The following TMEM232 variants were observed in gnomAD, a reference collection of about 807,000 sequenced individuals.
TMEM232 encodes the protein transmembrane protein 232.
In TMEM232, 80 loss-of-function variants were observed where a neutral mutation model predicts 78.8. The observed-to-expected ratio is 1.01, with a 90% CI of 0.85 to 1.22. The LOEUF is 1.22. Ranked by LOEUF, TMEM232 falls within the 50% of genes most tolerant of loss-of-function variation. TMEM232 has a pLI of 0.00. For synonymous variants in TMEM232, 297 were observed against 254.3 expected (o/e 1.17, Z -1.60); for missense variants, 881 against 742.2 (o/e 1.19, Z -2.17).
chr5:110,671,928 A>G lies in TMEM232; in HGVS notation c.-12-4564T>C, dbSNP rs142574187. Among the ~76,000 whole-genome samples the G allele has an allele frequency of 8.2e-3, 1,246 of 152,282 alleles. 5 individuals are homozygous for G. The highest frequency in any genetic ancestry group is 0.015 in the Non-Finnish European group (1,007 of 68,014). ...GCCCACTATTCACAAAATATTGCAT[A>G]TATCAGAAATATCTAGAAATATAAA... On this transcript the variant is annotated intron_variant, in intron 1 of 13. Transcript: ENST00000455884.
intron 3 of TMEM232, among the ~76,000 whole-genome samples, chr5:110,641,568 T>C (rs1786729504): frequency 6.6e-6 from 1 of 152,126 alleles, no homozygotes; most frequent in Admixed American, 6.6e-5. Context: ...AAGTATACTC[T>C]TTTTCTAATC....
chr5:110,724,322 T>C (rs1373226607), intron 1 of TMEM232, among the ~76,000 whole-genome samples: 1 of 152,170 alleles, frequency 6.6e-6, no homozygotes, highest in Admixed American at 6.6e-5. Context: ...CCCAAGCAGC[T>C]GCCTCCAATC....
At chr5:110,656,108 C>A (rs185883943) in intron 2 of TMEM232, among the ~76,000 whole-genome samples, 1 of 151,926 alleles carries the variant, frequency 6.6e-6, no homozygotes. Flanking sequence ...AGGTTATGTA[C>A]AGCCAAAACC....
intron 11 of TMEM232, among the ~76,000 whole-genome samples, chr5:110,543,778 C>A (rs1456080212): frequency 6.6e-6 from 1 of 152,136 alleles, no homozygotes; most frequent in Non-Finnish European, 1.5e-5. Context: ...AAGACTCTAC[C>A]TAACCTCTGC....
chr5:110,564,704 C>A (rs1333632434), intron 11 of TMEM232, among the ~76,000 whole-genome samples: 1 of 151,860 alleles, frequency 6.6e-6, no homozygotes, highest in Non-Finnish European at 1.5e-5. Flanking sequence ...AAGGCATAAA[C>A]CCAAAACAGA....
At chr5:110,549,858 T>C (rs1774245942) in intron 11 of TMEM232, among the ~76,000 whole-genome samples, 1 of 151,894 alleles carries the variant, frequency 6.6e-6, no homozygotes, top group Admixed American at 6.6e-5. Context: ...CCCCAAAATA[T>C]CCATAAGCAA....
At chr5:110,425,186 G>A (rs570785985) in intron 12 of TMEM232, among the ~76,000 whole-genome samples, 22 of 152,014 alleles carry the variant, frequency 1.4e-4, no homozygotes, top group Non-Finnish European at 2.4e-4. Context: ...TGAAAGTTCT[G>A]GTGGAAGCCT....
At chr5:110,397,348 T>A (rs1755426411) in intron 3 of TMEM232, among the ~76,000 whole-genome samples, 1 of 152,136 alleles carries the variant, frequency 6.6e-6, no homozygotes, top group African/African-American at 2.4e-5. Flanking sequence ...AACTAATAAC[T>A]AGAGGGATTT....
At chr5:110,683,235 T>C (rs1280095687) in intron 1 of TMEM232, among the ~76,000 whole-genome samples, 5 of 152,160 alleles carry the variant, frequency 3.3e-5, no homozygotes, top group African/African-American at 4.8e-5. Flanking sequence ...GTTTAATTGA[T>C]AACTATAAAA....
chr5:110,455,413 T>G (rs898699368), intron 12 of TMEM232, among the ~76,000 whole-genome samples: 1 of 151,588 alleles, frequency 6.6e-6, no homozygotes, highest in Admixed American at 6.6e-5. Flanking sequence ...AGTCTTGCTG[T>G]GTTGCCCAGG....
At chr5:110,553,051 T>A (rs984371276) in intron 11 of TMEM232, among the ~76,000 whole-genome samples, 2 of 152,178 alleles carry the variant, frequency 1.3e-5, no homozygotes, top group African/African-American at 4.8e-5. Context: ...GTTGTAGGTA[T>A]GCAGTTTTAT....
At chr5:110,422,059 A>G (rs1390544339) in intron 13 of TMEM232, among the ~76,000 whole-genome samples, 4 of 152,224 alleles carry the variant, frequency 2.6e-5, no homozygotes, top group Admixed American at 6.5e-5. Context: ...TACAAGTTCT[A>G]TGATACTCAA....
chr5:110,567,915 A>G (rs971150410), intron 11 of TMEM232, among the ~76,000 whole-genome samples: 5 of 151,924 alleles, frequency 3.3e-5, no homozygotes, highest in African/African-American at 1.2e-4. Context: ...TCCTATTTGA[A>G]TCTTACCAAC....
intron 1 of TMEM232, among the ~76,000 whole-genome samples, 189 bp downstream of exon 1, chr5:110,726,438 G>A (rs1442768339): frequency 2.0e-5 from 3 of 152,114 alleles, no homozygotes; most frequent in African/African-American, 7.2e-5. Flanking sequence ...CTTAGGAGGG[G>A]CCCAGATAGC....
At chr5:110,601,858 A>G (rs1780952682) in intron 10 of TMEM232, among the ~76,000 whole-genome samples, 1 of 152,204 alleles carries the variant, frequency 6.6e-6, no homozygotes, top group African/African-American at 2.4e-5. Context: ...AGCAAAGAGA[A>G]CAAAGCTGGA....
At chr5:110,576,809 T>C (rs1316833680) in intron 10 of TMEM232, among the ~76,000 whole-genome samples, 2 of 152,024 alleles carry the variant, frequency 1.3e-5, no homozygotes, top group Middle Eastern at 3.2e-3. Flanking sequence ...CAATAAATGG[T>C]GCTGAGATAA....
At chr5:110,621,290 A>G (rs1419305625) in intron 7 of TMEM232, among the ~76,000 whole-genome samples, 1 of 152,186 alleles carries the variant, frequency 6.6e-6, no homozygotes. Flanking sequence ...TCATCAGTGC[A>G]GAAGACCAAG....
intron 11 of TMEM232, among the ~76,000 whole-genome samples, chr5:110,530,782 C>T (rs536061554): frequency 6.6e-6 from 1 of 152,104 alleles, no homozygotes. Flanking sequence ...AATTCAAGAG[C>T]TCTAATGTAC....
intron 2 of TMEM232, among the ~76,000 whole-genome samples, chr5:110,411,887 A>G (rs1327661396): frequency 6.6e-6 from 1 of 152,176 alleles, no homozygotes; most frequent in African/African-American, 2.4e-5. Flanking sequence ...TAATGCTGCT[A>G]TGAATATGGG....
Sources: allele counts gnomAD v4.1 joint callset (sites outside exome capture counted in the v4.1 genomes callset), GRCh38; gene constraint gnomAD v4.1.1; transcripts MANE v1.5; gene names NCBI Gene and HGNC (gene_info 2026-07-23, HGNC 2026-07-21).